PRPF40B: variants seen among roughly 807,000 people sequenced by gnomAD.
PRPF40B encodes pre-mRNA processing factor 40B.
A neutral mutation model predicts 124.5 loss-of-function variants in PRPF40B; 56 were observed. The observed-to-expected ratio is 0.45, with a 90% confidence interval of 0.36 to 0.56. PRPF40B has a LOEUF of 0.56. PRPF40B is among the 20% of genes least tolerant of loss of function. The probability of loss-of-function intolerance (pLI) is 0.00; values close to 1 mark genes in which losing one functional copy is unlikely to be tolerated. For synonymous variants in PRPF40B, 443 were observed against 426.4 expected (o/e 1.04, Z -0.48); for missense variants, 1,053 against 1,169.5 (o/e 0.90, Z 1.45).
intron 12 of PRPF40B, chr12:49,634,875 GAACCCCAAAGGA>G (rs1941603276): frequency 3.1e-6 from 2 of 639,304 alleles, no homozygotes; most frequent in Non-Finnish European, 5.3e-6. Flanking sequence ...GGTGACTTGA[GAACCCCAAAGGA>G]AAAGGGCCCA....
At chr12:49,632,554 T>C (rs746313043) in intron 4 of PRPF40B, 42 bp from the exon 5 acceptor site, 2 of 1,608,820 alleles carry the variant, frequency 1.2e-6, no homozygotes, top group Non-Finnish European at 1.7e-6. Flanking sequence ...TGGGGGCCAC[T>C]GGGCTTGGCC....
Position 49,635,126 on chromosome 12 carries a change from G to A in PRPF40B, c.1029G>A (p.Lys343=). ...YSALPKLSEK[K]QAFNAYKAQR... ...CCTTGCCTAAACTGAGTGAGAAAAA[G>A]CAGGCATTCAATGCCTACAAGGCGC... The change falls in exon 13 of 26, where the codon AAG becomes AAA. Residue 343 remains lysine (K), a synonymous_variant. Transcript: ENST00000548825. This position sits in a 1 kb window ranked among gnomAD's most constrained non-coding sequence, Gnocchi z 4.1. 6.2e-7 allele frequency: 1 copy of A among 1,613,564 alleles called. No individual in the cohort carries two copies. Among genetic ancestry groups the A allele is most frequent in the Non-Finnish European group, 8.5e-7 (1 of 1,179,946 alleles).
chr12:49,640,349 T>C (rs1185460250), intron 18 of PRPF40B: 2 of 152,068 alleles, frequency 1.3e-5, no homozygotes, highest in Non-Finnish European at 2.9e-5. Flanking sequence ...GGAGTACAGA[T>C]TGGGTAGTGA....
In PRPF40B at chr12:49,634,326, C is replaced by T. The variant is rs746723953; in HGVS notation, c.813-6C>T. The T allele has an allele frequency of 3.7e-6, 6 of 1,614,050 alleles. No individual in the cohort carries two copies. Among genetic ancestry groups the T allele is most frequent in the Non-Finnish European group, 5.1e-6 (6 of 1,180,032 alleles). ...ACCCTGTGGCTGAGTCCCCTGTGCC[C>T]TCCAGTTCTGGACAGCATCAGCCAC... is the stretch of plus-strand genomic sequence containing the variant. On this transcript the variant is annotated splice_polypyrimidine_tract_variant and splice_region_variant and intron_variant, in intron 10 of 25. Coordinates refer to ENST00000548825, the MANE Select transcript of PRPF40B (RefSeq NM_001031698.3).
Position 49,644,137 on chromosome 12 carries a change from G to T in PRPF40B, c.2624G>T (p.Gly875Val), listed in dbSNP as rs775487454. 9 of 1,614,068 alleles carry T rather than the reference G, an allele frequency of 5.6e-6. No homozygotes were observed. Among genetic ancestry groups the T allele is most frequent in the Middle Eastern group, 1.6e-4 (1 of 6,084 alleles). The change falls in exon 26 of 26, where the codon GGT becomes GTT. Residue 875 changes from glycine (G) to valine (V), a missense_variant. Physicochemically the swap from Gly to Val is moderately radical, Grantham distance 109 (BLOSUM62 -3). Transcript: ENST00000548825. ...ACGTCAGAAAGTGAGCTGAGTGAGG[G>T]TGAGCTGGAGAGGCGGCGGCGGACA... ...WDTSESELSE[G>V]ELERRRRTLL...
intron 7 of PRPF40B, 144 bp downstream of exon 7, chr12:49,633,268 C>T (rs1428868242): frequency 7.9e-7 from 1 of 1,272,770 alleles, no homozygotes. Flanking sequence ...CTGGAAATGC[C>T]TCCATAGGAT....
intron 16 of PRPF40B, 71 bp downstream of exon 16, chr12:49,636,920 GC>G (rs1941893109): frequency 3.1e-6 from 5 of 1,601,956 alleles, no homozygotes; most frequent in South Asian, 1.1e-5. Flanking sequence ...CCCATTCCCT[GC>G]CCCCTTCTGG....
In PRPF40B at chr12:49,624,296, G is replaced by C. The variant is rs900062982; in HGVS notation, c.3+703G>C. On this transcript the variant is annotated intron_variant, in intron 1 of 25. Transcript: ENST00000548825. ...AATAGGTTTTTGAGGAGGAAGTTTA[G>C]GAGAATGGGTTTGGTAGGGAAGCAA... The C allele has an allele frequency of 9.6e-6, 5 of 522,946 alleles. No individual in the cohort carries two copies. The South Asian group carries it at 3.3e-4, about 35-fold the overall frequency. The allele number at this position is 522,946 out of a possible 1,614,324, so 32.4% of individuals were successfully genotyped here.
chr12:49,637,420 G>C (rs1592600804), intron 16 of PRPF40B, 50 bp from the exon 17 acceptor site: 1 of 1,314,436 alleles, frequency 7.6e-7, no homozygotes, highest in Non-Finnish European at 1.1e-6. Flanking sequence ...TCAGTCTGTG[G>C]CTCTGCCTCC....
At chr12:49,630,772 TGGG>T in intron 2 of PRPF40B, 147 bp downstream of exon 2, 1 of 607,212 alleles carries the variant, frequency 1.6e-6, no homozygotes, top group Non-Finnish European at 3.0e-6. Context: ...ACTTGAGCAT[TGGG>T]TTGGGGAGAG....
rs1017528201 is a variant in PRPF40B, at chr12:49,635,759, A to G, written c.1276-84A>G. On this transcript the variant is annotated intron_variant, in intron 14 of 25. Coordinates refer to ENST00000548825, the MANE Select transcript of PRPF40B (RefSeq NM_001031698.3). This position sits in a 1 kb window ranked among gnomAD's most constrained non-coding sequence, Gnocchi z 4.1. ...GCCTTCTTCCTAGGGTTCCCTAGCT[A>G]CCTTTCCCCAGGTCCTCCTCTGCCC... 2 of 1,537,414 alleles carry G rather than the reference A, an allele frequency of 1.3e-6. No individual in the cohort carries two copies. Among genetic ancestry groups the G allele is most frequent in the Non-Finnish European group, 1.8e-6 (2 of 1,129,714 alleles).
chr12:49,626,757 C>T (rs1342045307), intron 1 of PRPF40B, among the ~76,000 whole-genome samples: 1 of 152,064 alleles, frequency 6.6e-6, no homozygotes, highest in African/African-American at 2.4e-5. Context: ...GATTTAACCA[C>T]TTAGGTTGCA....
chr12:49,642,841 A>T lies in PRPF40B; in HGVS notation c.2119-89A>T. 6.8e-7 allele frequency: 1 copy of T among 1,471,704 alleles called. No individual in the cohort carries two copies. The highest frequency in any genetic ancestry group is 9.3e-7 in the Non-Finnish European group (1 of 1,075,716). 91.2% of individuals were successfully genotyped at this position (1,471,704 alleles called of 1,614,324 possible). A position where few individuals can be genotyped will look rare whatever the true frequency, so the allele number is the denominator to read the frequency against. The stretch of plus-strand genomic sequence containing the variant: ...TAGGCAGAAGGCTCTAGTCTGAGAA[A>T]GGGAGGCAAAGCCAGATTTTAGGAA... On this transcript the variant is annotated intron_variant, in intron 21 of 25. Transcript: ENST00000548825. The surrounding 1 kb of genome is among the most constrained non-coding windows in gnomAD (Gnocchi z 5.8).
chr12:49,635,792 C>G lies in PRPF40B; in HGVS notation c.1276-51C>G, dbSNP rs1050456260. On this transcript the variant is annotated intron_variant, in intron 14 of 25. Transcript: ENST00000548825. This position sits in a 1 kb window ranked among gnomAD's most constrained non-coding sequence, Gnocchi z 4.1. Reference sequence around the variant, plus strand: ...CCAGGTCCTCCTCTGCCCAGGCCTACTTGGGTAGCTCTGGCCTGCCCTGCC... The same window carrying G: ...CCAGGTCCTCCTCTGCCCAGGCCTAGTTGGGTAGCTCTGGCCTGCCCTGCC... The G allele has an allele frequency of 6.9e-6, 11 of 1,602,998 alleles. No individual in the cohort carries two copies. The highest frequency in any genetic ancestry group is 3.3e-5 in the South Asian group (3 of 90,688).
chr12:49,638,777 G>A (rs1004086370), intron 18 of PRPF40B: 2 of 152,130 alleles, frequency 1.3e-5, no homozygotes, highest in African/African-American at 4.8e-5. Flanking sequence ...TGACCTTTCT[G>A]ACCCTGTTTC....
chr12:49,628,993 C>A (rs1436636242), intron 1 of PRPF40B, among the ~76,000 whole-genome samples: 1 of 152,246 alleles, frequency 6.6e-6, no homozygotes, highest in Non-Finnish European at 1.5e-5. Flanking sequence ...CGGGATTCCT[C>A]CCTATCACCC....
In PRPF40B at chr12:49,630,607, C is replaced by CA; in HGVS notation, c.67dup (p.Met23AsnfsTer100). ...CTGCCCCCTTCCCACCGGGGCCCCC[C>CA]ATGATGCCACCACCCTTCGTAAGTT... is the stretch of plus-strand genomic sequence containing the variant. On this transcript the variant is annotated frameshift_variant, in exon 2 of 26. Coordinates refer to ENST00000548825, the MANE Select transcript of PRPF40B (RefSeq NM_001031698.3). LOFTEE classifies it high-confidence loss of function. The CA allele has an allele frequency of 7.6e-7, 1 of 1,319,276 alleles. No individual in the cohort carries two copies. The highest frequency in any genetic ancestry group is 1.1e-6 in the Non-Finnish European group (1 of 912,968). The allele number at this position is 1,319,276 out of a possible 1,614,324, so 81.7% of individuals were successfully genotyped here.
Position 49,644,247 on chromosome 12 carries a change from C to T in PRPF40B, c.*55C>T, listed in dbSNP as rs1943050945. 9 of 1,585,056 alleles carry T rather than the reference C, an allele frequency of 5.7e-6. No homozygotes were observed. The highest frequency in any genetic ancestry group is 6.9e-6 in the Non-Finnish European group (8 of 1,155,338). ...GTGTGAGGCCATGGCTCCTGGGCCA[C>T]CCTCACCGTCTGCCTCAGACTTCTT... On this transcript the variant is annotated 3_prime_UTR_variant, in exon 26 of 26. Transcript: ENST00000548825.
At chr12:49,628,055 G>A (rs1940883719) in intron 1 of PRPF40B, among the ~76,000 whole-genome samples, 1 of 152,172 alleles carries the variant, frequency 6.6e-6, no homozygotes. Flanking sequence ...GGCAGCTTGA[G>A]ATGGGAAAGT....
Sources: gnomAD v4.1 joint callset for allele counts (sites outside exome capture counted in the v4.1 genomes callset) on GRCh38, gnomAD v4.1.1 for gene constraint, Gnocchi (gnomAD v3.1) non-coding constraint, MANE v1.5 for transcripts, NCBI Gene and HGNC (gene_info 2026-07-23, HGNC 2026-07-21) for gene names.